Variants in CNOT4 observed in about 807,000 individuals in gnomAD.
The protein encoded by CNOT4 is CCR4-NOT transcription complex subunit 4, also known as CCR4-associated factor 4.
Under a neutral mutation model 73.8 loss-of-function variants are expected in CNOT4, and 8 were observed. The observed-to-expected ratio is 0.11, with a 90% CI of 0.06 to 0.20. The LOEUF (loss-of-function observed/expected upper bound fraction) is 0.20. Among genes scored for constraint, CNOT4 ranks in the 10% least tolerant of loss-of-function variants. CNOT4 has a pLI of 1.00. For synonymous variants in CNOT4, 293 were observed against 321.1 expected (o/e 0.91, Z 0.94); for missense variants, 564 against 883.4 (o/e 0.64, Z 4.58).
chr7:135,499,861 C>T (rs1009895543), intron 1 of CNOT4, among the ~76,000 whole-genome samples: 3 of 152,152 alleles, frequency 2.0e-5, no homozygotes, highest in Admixed American at 6.5e-5. Flanking sequence ...AACATGAAAA[C>T]CCCTGTTAAA....
At chr7:135,380,922 C>A (rs1182272639) in intron 10 of CNOT4, among the ~76,000 whole-genome samples, 2 of 152,086 alleles carry the variant, frequency 1.3e-5, no homozygotes, top group Non-Finnish European at 2.9e-5. Context: ...TTTAAGTTAT[C>A]CTTTCCTTGG....
chr7:135,364,823 T>C lies in CNOT4; in HGVS notation c.1628-757A>G, dbSNP rs777401540. 1.3e-5 allele frequency among the ~76,000 whole-genome samples: 2 copies of C among 152,198 alleles called. No individual in the cohort carries two copies. Among genetic ancestry groups the C allele is most frequent in the Non-Finnish European group, 2.9e-5 (2 of 68,034 alleles). ...CAAACATGAGAAGACACTAGCAACA[T>C]AGAAAAGGCTTTTTATAAATTGTGA... On this transcript the variant is annotated intron_variant, in intron 10 of 11. Transcript: ENST00000541284. This position sits in a 1 kb window ranked among gnomAD's most constrained non-coding sequence, Gnocchi z 4.3.
intron 1 of CNOT4, among the ~76,000 whole-genome samples, chr7:135,502,616 A>C (rs986894329): frequency 1.3e-5 from 2 of 152,022 alleles, no homozygotes; most frequent in Admixed American, 6.6e-5. Flanking sequence ...GGAGTTCAAG[A>C]CCAGCCTGGC....
At chr7:135,495,742 GAAAGA>G (rs1803515074) in intron 1 of CNOT4, among the ~76,000 whole-genome samples, 1 of 103,690 alleles carries the variant, frequency 9.6e-6, no homozygotes, top group African/African-American at 3.0e-5. Flanking sequence ...AAGAAAGAAA[GAAAGA>G]AAGAAAGAAA....
chr7:135,499,201 AAAAC>A (rs1318174493), intron 1 of CNOT4, among the ~76,000 whole-genome samples: 2 of 152,246 alleles, frequency 1.3e-5, no homozygotes, highest in African/African-American at 4.8e-5. Flanking sequence ...CGGAGAGATT[AAAAC>A]AAACAAACCA....
chr7:135,371,578 G>A (rs777755492), intron 10 of CNOT4, among the ~76,000 whole-genome samples: 1 of 152,110 alleles, frequency 6.6e-6, no homozygotes, highest in Non-Finnish European at 1.5e-5. Context: ...AAGTAGATGT[G>A]TTTGGCATAA....
intron 10 of CNOT4, among the ~76,000 whole-genome samples, chr7:135,371,301 T>C (rs1446838140): frequency 3.3e-5 from 5 of 152,216 alleles, no homozygotes; most frequent in African/African-American, 1.2e-4. Flanking sequence ...GCAGGACTCA[T>C]GGGCTAACAG....
At position 135,504,731 on chromosome 7, in the gene CNOT4, C is replaced by T. The variant is rs1215987704; in HGVS notation, c.-93+5158G>A. On this transcript the variant is annotated intron_variant, in intron 1 of 11. Transcript: ENST00000541284. ...TCGATCTCCTGATCTCGTGATCCGC[C>T]CGCCTCGGCCTCCCAAAGTGCTGGG... is the stretch of plus-strand genomic sequence containing the variant. 8.9e-5 allele frequency among the ~76,000 whole-genome samples: 11 copies of T among 123,226 alleles called. 4 individuals are homozygous for T. Among genetic ancestry groups the T allele is most frequent in the African/African-American group, 3.1e-4 (9 of 29,334 alleles). 80.8% of individuals were successfully genotyped at this position (123,226 alleles called of 152,430 possible). A position where few individuals can be genotyped will look rare whatever the true frequency, so the allele number is the denominator to read the frequency against.
chr7:135,448,060 C>T (rs1484882176), intron 1 of CNOT4, among the ~76,000 whole-genome samples: 1 of 152,026 alleles, frequency 6.6e-6, no homozygotes, highest in African/African-American at 2.4e-5. Context: ...AGGAGCAACA[C>T]CAGAGGCTTA....
intron 1 of CNOT4, among the ~76,000 whole-genome samples, chr7:135,449,830 T>G (rs1411885126): frequency 3.7e-5 from 2 of 54,254 alleles, no homozygotes; most frequent in African/African-American, 4.9e-5. Context: ...TATTGTGGGT[T>G]TTTTTTTTTT....
intron 10 of CNOT4, chr7:135,387,807 C>A (rs1161294579): frequency 1.0e-6 from 1 of 979,802 alleles, no homozygotes; most frequent in African/African-American, 1.7e-5. Flanking sequence ...CTCCACTATT[C>A]TCTTGATTAA....
intron 1 of CNOT4, among the ~76,000 whole-genome samples, chr7:135,460,654 G>A (rs972932812): frequency 6.6e-6 from 1 of 152,264 alleles, no homozygotes; most frequent in African/African-American, 2.4e-5. Flanking sequence ...ATTAAAAAGT[G>A]TGAAATATTG....
chr7:135,427,417 C>A (rs1798568479), intron 2 of CNOT4, among the ~76,000 whole-genome samples: 1 of 152,006 alleles, frequency 6.6e-6, no homozygotes, highest in South Asian at 2.1e-4. Context: ...TTTCTGATCC[C>A]TTCCACTGTC....
At chr7:135,464,024 C>CAAAAAAAAAAAAA (rs747402254) in intron 1 of CNOT4, among the ~76,000 whole-genome samples, 1 of 109,638 alleles carries the variant, frequency 9.1e-6, no homozygotes, top group African/African-American at 3.5e-5. Context: ...ATTAAAAAGT[C>CAAAAAAAAAAAAA]AAAAAAAAAA....
chr7:135,393,228 G>A (rs1052743514), intron 10 of CNOT4, among the ~76,000 whole-genome samples: 3 of 152,194 alleles, frequency 2.0e-5, no homozygotes, highest in African/African-American at 7.2e-5. Context: ...AAGGGTAGCA[G>A]TACAAAACCA....
intron 3 of CNOT4, among the ~76,000 whole-genome samples, chr7:135,416,681 G>T (rs1050024353): frequency 6.6e-6 from 1 of 152,180 alleles, no homozygotes; most frequent in African/African-American, 2.4e-5. Flanking sequence ...AAAGGGTTCA[G>T]TCAGGCCGGT....
At chr7:135,381,017 G>GA (rs1228165868) in intron 10 of CNOT4, among the ~76,000 whole-genome samples, 1 of 152,088 alleles carries the variant, frequency 6.6e-6, no homozygotes, top group African/African-American at 2.4e-5. Context: ...TATTTGTTCA[G>GA]AAAAAACATG....
At chr7:135,494,958 A>G (rs1159378320) in intron 1 of CNOT4, among the ~76,000 whole-genome samples, 3 of 152,206 alleles carry the variant, frequency 2.0e-5, no homozygotes, top group African/African-American at 7.2e-5. Flanking sequence ...AACATTTATG[A>G]AACATTTACC....
At chr7:135,373,922 TTGA>T (rs1795367762) in intron 10 of CNOT4, among the ~76,000 whole-genome samples, 1 of 152,196 alleles carries the variant, frequency 6.6e-6, no homozygotes, top group Non-Finnish European at 1.5e-5. Context: ...GATTTGGGGC[TTGA>T]TGATTTCTTC....
Sources: allele counts gnomAD v4.1 joint callset (sites outside exome capture counted in the v4.1 genomes callset), GRCh38; gene constraint gnomAD v4.1.1; non-coding constraint Gnocchi (gnomAD v3.1); transcripts MANE v1.5; gene names NCBI Gene and HGNC (gene_info 2026-07-23, HGNC 2026-07-21).